Variants in ARMC2 observed in about 807,000 individuals in gnomAD.
ARMC2 encodes armadillo repeat containing 2.
In ARMC2, 67 loss-of-function variants were observed where a neutral mutation model predicts 90.3. That is an observed-to-expected ratio of 0.74 (90% confidence interval 0.61 to 0.91). The LOEUF (loss-of-function observed/expected upper bound fraction) is 0.91, where lower values mean the gene tolerates loss of function less well. Ranked by LOEUF, ARMC2 falls within the 40% of genes least tolerant of loss-of-function variation. ARMC2 has a pLI of 0.00. For missense variants in ARMC2, 920 were observed against 1,030.9 expected (o/e 0.89, Z 1.47); for synonymous variants, 393 against 393.0 (o/e 1.00, Z 0.00).
chr6:108,936,249 T>C (rs930059990), intron 11 of ARMC2, among the ~76,000 whole-genome samples: 1 of 151,524 alleles, frequency 6.6e-6, no homozygotes, highest in Non-Finnish European at 1.5e-5. Context: ...ATAGGTTTTT[T>C]GTTTGTTTGT....
chr6:108,986,084 C>CACA, the ARMC2 span, among the ~76,000 whole-genome samples: 1 of 150,966 alleles, frequency 6.6e-6, no homozygotes, highest in Non-Finnish European at 1.5e-5. Flanking sequence ...GAGTTATCAT[C>CACA]ACAACAGCTT....
the ARMC2 span, among the ~76,000 whole-genome samples, chr6:109,014,808 C>T: frequency 6.6e-6 from 1 of 152,166 alleles, no homozygotes; most frequent in Non-Finnish European, 1.5e-5. Context: ...CAACCTCCTA[C>T]ATGTTCCTCA....
chr6:108,927,581 G>T (rs140093275), intron 10 of ARMC2, among the ~76,000 whole-genome samples: 34 of 151,834 alleles, frequency 2.2e-4, no homozygotes, highest in African/African-American at 8.2e-4. Context: ...ACAAATTTGT[G>T]AGATCTTAAT....
At chr6:108,961,168 G>A (rs930824760) in intron 13 of ARMC2, among the ~76,000 whole-genome samples, 1 of 152,140 alleles carries the variant, frequency 6.6e-6, no homozygotes, top group African/African-American at 2.4e-5. Flanking sequence ...TTGGGAGGCG[G>A]TGTGGGAAGG....
chr6:109,011,927 C>T, the ARMC2 span, among the ~76,000 whole-genome samples: 508 of 152,286 alleles, frequency 3.3e-3, no homozygotes, highest in African/African-American at 9.9e-3. Context: ...CCACACCCAG[C>T]CCAATAAATG....
chr6:108,903,051 C>T (rs886162574), intron 7 of ARMC2, among the ~76,000 whole-genome samples: 2 of 152,046 alleles, frequency 1.3e-5, no homozygotes, highest in African/African-American at 4.8e-5. Flanking sequence ...GTCTGGAGTC[C>T]TAGCTACTCA....
At chr6:108,870,751 C>T (rs935140282) in intron 4 of ARMC2, among the ~76,000 whole-genome samples, 5 of 152,116 alleles carry the variant, frequency 3.3e-5, no homozygotes, top group African/African-American at 7.2e-5. Context: ...CTTGATGTCC[C>T]GATTTGTTTC....
At chr6:108,892,759 CAAAAAA>C (rs55747245) in intron 5 of ARMC2, among the ~76,000 whole-genome samples, 57 of 89,682 alleles carry the variant, frequency 6.4e-4, no homozygotes, top group Admixed American at 2.4e-3. Context: ...AACTCCATCT[CAAAAAA>C]AAAAAAAAAA....
At chr6:108,907,532 C>A (rs1329025735) in intron 8 of ARMC2, 2 of 1,107,432 alleles carry the variant, frequency 1.8e-6, no homozygotes, top group Non-Finnish European at 2.5e-6. Flanking sequence ...AAGAATTCAG[C>A]AACGATCGAG....
At chr6:108,995,966 C>T in the ARMC2 span, among the ~76,000 whole-genome samples, 1 of 152,166 alleles carries the variant, frequency 6.6e-6, no homozygotes, top group African/African-American at 2.4e-5. Context: ...GTCATTTACC[C>T]CACAAGCTCC....
In ARMC2 at chr6:108,936,985, T is replaced by C. The variant is rs754631400; in HGVS notation, c.1582T>C (p.Tyr528His). 1 of 1,594,282 alleles carries C rather than the reference T, an allele frequency of 6.3e-7. No individual in the cohort carries two copies. The highest frequency in any genetic ancestry group is 8.6e-7 in the Non-Finnish European group (1 of 1,169,342). The change falls in exon 12 of 18, where the codon TAC becomes CAC. Residue 528 changes from tyrosine (Y) to histidine (H), a missense_variant. Transcript: ENST00000392644. ...YALFLNLINKYQKKQDLVVRV... is the reference protein window; with the variant it reads ...YALFLNLINKHQKKQDLVVRV... ...CTTATTTCTGAATCTAATTAACAAATACCAGAAGAAGCAGGTCAGTTCTTC... is the reference window on the plus strand; with the variant it reads ...CTTATTTCTGAATCTAATTAACAAACACCAGAAGAAGCAGGTCAGTTCTTC...
At chr6:109,008,761 G>A in the ARMC2 span, 3 of 984,126 alleles carry the variant, frequency 3.0e-6, no homozygotes, top group Non-Finnish European at 1.2e-6. Flanking sequence ...TCTTTCTAAA[G>A]GACAATTCAG....
At chr6:109,023,453 GT>G in the ARMC2 span, among the ~76,000 whole-genome samples, 1 of 151,890 alleles carries the variant, frequency 6.6e-6, no homozygotes, top group South Asian at 2.1e-4. Flanking sequence ...GATCCACTAT[GT>G]TTTTTTGATA....
chr6:108,982,807 C>T, the ARMC2 span, among the ~76,000 whole-genome samples: 7 of 140,520 alleles, frequency 5.0e-5, no homozygotes, highest in African/African-American at 1.8e-4. Flanking sequence ...AGTCTTTGGA[C>T]TTTTCTTTTT....
chr6:109,050,427 T>G, the ARMC2 span, among the ~76,000 whole-genome samples: 10 of 150,156 alleles, frequency 6.7e-5, no homozygotes, highest in East Asian at 1.6e-3. Context: ...GTACAGTGAA[T>G]CATAGACTTT....
intron 6 of ARMC2, among the ~76,000 whole-genome samples, chr6:108,898,185 C>T (rs1288962593): frequency 6.6e-6 from 1 of 152,150 alleles, no homozygotes; most frequent in Non-Finnish European, 1.5e-5. Flanking sequence ...GCCCCCTGCT[C>T]AACTTGTCCT....
the ARMC2 span, among the ~76,000 whole-genome samples, chr6:109,047,911 GTCA>G: frequency 6.9e-6 from 1 of 145,680 alleles, no homozygotes; most frequent in African/African-American, 2.5e-5. Context: ...CTGGTTAAGA[GTCA>G]TCACCACTCC....
intron 13 of ARMC2, among the ~76,000 whole-genome samples, chr6:108,960,291 C>A (rs571751493): frequency 1.3e-5 from 2 of 152,208 alleles, no homozygotes; most frequent in Non-Finnish European, 2.9e-5. Context: ...GCCACATCTC[C>A]GCCATCACCC....
chr6:108,859,742 C>T (rs1775016966), intron 3 of ARMC2, among the ~76,000 whole-genome samples: 1 of 152,128 alleles, frequency 6.6e-6, no homozygotes, highest in Admixed American at 6.5e-5. Context: ...TGGTGGCTCA[C>T]GCCTGTAATC....
Sources: allele counts gnomAD v4.1 joint callset (sites outside exome capture counted in the v4.1 genomes callset), GRCh38; gene constraint gnomAD v4.1.1; transcripts MANE v1.5; gene names NCBI Gene and HGNC (gene_info 2026-07-23, HGNC 2026-07-21).